Variants in EYS observed in about 807,000 individuals in gnomAD.
EYS encodes the protein protein eyes shut homolog.
In EYS, 250 loss-of-function variants were observed where a neutral mutation model predicts 282.1. The ratio of observed to expected loss-of-function variants is 0.89; its 90% CI spans 0.80 to 0.98. The LOEUF is 0.98. Ranked by LOEUF, EYS falls within the 50% of genes least tolerant of loss-of-function variation. The pLI is 0.00. For synonymous variants in EYS, 1,355 were observed against 1,282.9 expected (o/e 1.06, Z -1.20); for missense variants, 4,016 against 3,709.0 (o/e 1.08, Z -2.15).
At chr6:64,949,734 C>A (rs562055981) in intron 14 of EYS, among the ~76,000 whole-genome samples, 70 of 151,974 alleles carry the variant, frequency 4.6e-4, no homozygotes, top group African/African-American at 1.6e-3. Flanking sequence ...AGATGGGAAT[C>A]TCGAGGATCA....
At chr6:64,151,321 A>ATATATATATATATATATATATATT (rs1562226596) in intron 31 of EYS, among the ~76,000 whole-genome samples, 9 of 49,266 alleles carry the variant, frequency 1.8e-4, no homozygotes, top group East Asian at 5.7e-4. Context: ...GTATATTTAT[A>ATATATATATATATATATATATATT]TATATATATA....
intron 2 of EYS, among the ~76,000 whole-genome samples, chr6:65,560,782 G>T (rs755375440): frequency 4.6e-5 from 7 of 151,992 alleles, no homozygotes; most frequent in Non-Finnish European, 1.0e-4. Context: ...AGTATAAAGT[G>T]AGTATGTATA....
At chr6:64,950,784 C>CACATAT (rs201905212) in intron 14 of EYS, among the ~76,000 whole-genome samples, 1 of 94,230 alleles carries the variant, frequency 1.1e-5, no homozygotes, top group African/African-American at 4.6e-5. Context: ...AAAATATATA[C>CACATAT]ACATATACAT....
chr6:64,477,631 G>C (rs1776314637), intron 26 of EYS, among the ~76,000 whole-genome samples: 1 of 151,928 alleles, frequency 6.6e-6, no homozygotes, highest in Non-Finnish European at 1.5e-5. Context: ...TCAATCTTCT[G>C]CTTATAATTT....
intron 30 of EYS, among the ~76,000 whole-genome samples, chr6:64,278,384 T>TAAGAAAAATGTA (rs1311935409): frequency 6.6e-6 from 1 of 152,140 alleles, no homozygotes; most frequent in African/African-American, 2.4e-5. Context: ...TCATTCTTAT[T>TAAGAAAAATGTA]AAGAAAAATG....
At chr6:65,135,037 C>T (rs112553460) in intron 12 of EYS, among the ~76,000 whole-genome samples, 184 of 152,070 alleles carry the variant, frequency 1.2e-3, no homozygotes, top group Middle Eastern at 3.4e-3. Flanking sequence ...TAGGTTGGAA[C>T]TCTTGCAGTG....
chr6:64,603,749 T>A (rs545560505), intron 24 of EYS, among the ~76,000 whole-genome samples: 6 of 152,164 alleles, frequency 3.9e-5, no homozygotes, highest in Admixed American at 1.3e-4. Flanking sequence ...AAGTGTGATC[T>A]ATGCATGTCT....
intron 19 of EYS, among the ~76,000 whole-genome samples, chr6:64,881,275 GAA>G (rs771572622): frequency 3.3e-5 from 5 of 151,786 alleles, no homozygotes; most frequent in Admixed American, 6.6e-5. Flanking sequence ...AGAGTTAACT[GAA>G]AGTCATACAC....
chr6:65,568,620 C>T (rs1764367414), intron 2 of EYS, among the ~76,000 whole-genome samples: 2 of 152,118 alleles, frequency 1.3e-5, no homozygotes, highest in Non-Finnish European at 2.9e-5. Flanking sequence ...CATGACTTTT[C>T]AATGACAAAA....
intron 22 of EYS, among the ~76,000 whole-genome samples, chr6:64,655,222 T>C (rs1221850150): frequency 6.6e-6 from 1 of 152,168 alleles, no homozygotes; most frequent in African/African-American, 2.4e-5. Context: ...GCTTTTCTGT[T>C]ACATTAAGAC....
At chr6:64,701,994 A>C (rs1485239850) in intron 22 of EYS, among the ~76,000 whole-genome samples, 1 of 151,800 alleles carries the variant, frequency 6.6e-6, no homozygotes. Context: ...TTAAAATAAA[A>C]TGCAGTAAAT....
intron 12 of EYS, among the ~76,000 whole-genome samples, chr6:65,248,417 T>C (rs1351261541): frequency 1.3e-5 from 2 of 152,066 alleles, no homozygotes; most frequent in Admixed American, 6.6e-5. Context: ...AGTGAGCTTG[T>C]TGAGAGACAG....
At chr6:64,781,724 C>T (rs1276761195) in intron 22 of EYS, among the ~76,000 whole-genome samples, 2 of 152,028 alleles carry the variant, frequency 1.3e-5, no homozygotes, top group Non-Finnish European at 2.9e-5. Flanking sequence ...TCAATTTTAT[C>T]CTGGTTTTCT....
At position 64,979,427 on chromosome 6, in the gene EYS, G is replaced by GC. The variant is rs929294169; in HGVS notation, c.2259+18154dup. On this transcript the variant is annotated intron_variant, in intron 14 of 42. Transcript: ENST00000503581. ...AGAACTGACCTAAGTAGAGCTAACTGCCCACCTCCCGTGGGAAAAAAAGAG... is the reference window on the plus strand; with the variant it reads ...AGAACTGACCTAAGTAGAGCTAACTGCCCCACCTCCCGTGGGAAAAAAAGAG... Among the ~76,000 whole-genome samples, 4 of 151,656 alleles carry GC rather than the reference G, an allele frequency of 2.6e-5. No individual in the cohort carries two copies. In the Admixed American group the frequency reaches 2.6e-4, roughly 10 times the overall value.
intron 22 of EYS, among the ~76,000 whole-genome samples, chr6:64,678,880 G>T (rs553724841): frequency 1.9e-4 from 29 of 151,766 alleles, no homozygotes; most frequent in Admixed American, 5.9e-4. Flanking sequence ...CCAGCTGCTC[G>T]GGAGGCTGAG....
At chr6:65,130,361 G>A (rs972363380) in intron 12 of EYS, among the ~76,000 whole-genome samples, 13 of 152,008 alleles carry the variant, frequency 8.6e-5, no homozygotes, top group Middle Eastern at 3.4e-3. Context: ...ATAAATATTA[G>A]CTTGCCCTTC....
In EYS at chr6:64,315,960, C is replaced by CA. The variant is rs1769943255; in HGVS notation, c.6079-8879dup. Among the ~76,000 whole-genome samples, 3 of 152,276 alleles carry CA rather than the reference C, an allele frequency of 2.0e-5. No homozygotes were observed. The South Asian group carries it at 6.2e-4, about 32-fold the overall frequency. On this transcript the variant is annotated intron_variant, in intron 29 of 42. Coordinates refer to ENST00000503581, the MANE Select transcript of EYS (RefSeq NM_001142800.2). ...TCCATCACATAAACAGAACCAATGA[C>CA]AAAAACCACATGATTATCTCAATAG...
chr6:64,828,627 C>A (rs1303450994), intron 19 of EYS, among the ~76,000 whole-genome samples: 1 of 151,940 alleles, frequency 6.6e-6, no homozygotes, highest in Admixed American at 6.6e-5. Context: ...AAACACCTGA[C>A]CATGGGACAT....
chr6:64,410,740 A>T (rs1328599855), intron 28 of EYS, among the ~76,000 whole-genome samples: 1 of 152,142 alleles, frequency 6.6e-6, no homozygotes, highest in Non-Finnish European at 1.5e-5. Flanking sequence ...CTCTAGCCAG[A>T]ACATTGGCTT....
Sources: gnomAD v4.1 joint callset for allele counts (sites outside exome capture counted in the v4.1 genomes callset) on GRCh38, gnomAD v4.1.1 for gene constraint, MANE v1.5 for transcripts, NCBI Gene and HGNC (gene_info 2026-07-23, HGNC 2026-07-21) for gene names.